The following EIF3E variants were observed in gnomAD, a reference collection of about 807,000 sequenced individuals.
EIF3E encodes eukaryotic translation initiation factor 3 subunit E.
In EIF3E, 25 loss-of-function variants were observed where a neutral mutation model predicts 59.3. The ratio of observed to expected loss-of-function variants is 0.42; its 90% confidence interval spans 0.31 to 0.59. EIF3E has a LOEUF of 0.59. Ranked by LOEUF, EIF3E falls within the 20% of genes least tolerant of loss-of-function variation. EIF3E has a pLI of 0.15. For synonymous variants in EIF3E, 176 were observed against 170.2 expected (o/e 1.03, Z -0.26); for missense variants, 317 against 534.3 (o/e 0.59, Z 4.01).
In EIF3E at chr8:108,216,963, T is replaced by G. The variant is rs1398970605; in HGVS notation, c.849+371A>C. ...GGCTGCCTGAAACCTTTTGCCCAAC[T>G]TGGGGTCTATTGAAACGGTATTGTA... is the stretch of plus-strand genomic sequence containing the variant. On this transcript the variant is annotated intron_variant, in intron 8 of 12. Transcript: ENST00000220849. Among the ~76,000 whole-genome samples the G allele has an allele frequency of 2.0e-5, 3 of 152,192 alleles. No homozygotes were observed. In the East Asian group the frequency reaches 5.8e-4, roughly 29 times the overall value.
intron 10 of EIF3E, among the ~76,000 whole-genome samples, chr8:108,211,559 T>C (rs1032926056): frequency 2.6e-5 from 4 of 152,218 alleles, no homozygotes; most frequent in Admixed American, 2.0e-4. Context: ...TTCACTCTGA[T>C]GGTAGTTTCT....
rs374782647 is a variant in EIF3E at position 108,223,846 on chromosome 8, C to T, written c.722+4421G>A. ...ATGGTAATATATGTGATGTAAGAGACTTTAACCTGCACTGGTATCTAAACT... is the reference window on the plus strand; with the variant it reads ...ATGGTAATATATGTGATGTAAGAGATTTTAACCTGCACTGGTATCTAAACT... On this transcript the variant is annotated intron_variant, in intron 7 of 12. Transcript: ENST00000220849. Among the ~76,000 whole-genome samples the T allele has an allele frequency of 3.3e-5, 5 of 151,430 alleles. No individual in the cohort carries two copies. The East Asian group carries it at 7.7e-4, about 23-fold the overall frequency.
intron 10 of EIF3E, among the ~76,000 whole-genome samples, chr8:108,206,322 T>C (rs1269150645): frequency 6.6e-6 from 1 of 150,452 alleles, no homozygotes; most frequent in Non-Finnish European, 1.5e-5. Flanking sequence ...GAGACCCCCA[T>C]GTCAAAAAAA....
At chr8:108,215,485 G>T (rs1340901426) in intron 9 of EIF3E, among the ~76,000 whole-genome samples, 1 of 152,096 alleles carries the variant, frequency 6.6e-6, no homozygotes, top group Admixed American at 6.6e-5. Context: ...GGGCGTGGTG[G>T]TGGGCGCCTA....
chr8:108,206,555 C>A (rs1020471618), intron 10 of EIF3E, among the ~76,000 whole-genome samples: 1 of 151,776 alleles, frequency 6.6e-6, no homozygotes, highest in East Asian at 1.9e-4. Context: ...AAGTCTGAGA[C>A]CAGTCTGAGC....
intron 10 of EIF3E, among the ~76,000 whole-genome samples, chr8:108,213,793 C>T (rs771901285): frequency 2.2e-4 from 34 of 152,140 alleles, no homozygotes; most frequent in Non-Finnish European, 4.6e-4. Flanking sequence ...ATTCAATTCC[C>T]ATAGGAAAAA....
At chr8:108,243,998 C>T (rs1201787935) in intron 1 of EIF3E, among the ~76,000 whole-genome samples, 1 of 152,188 alleles carries the variant, frequency 6.6e-6, no homozygotes, top group Non-Finnish European at 1.5e-5. Context: ...CTCAAATCTA[C>T]ATATGCCTCT....
chr8:108,229,187 T>G lies in EIF3E; in HGVS notation c.480A>C (p.Ala160=). 1.2e-6 allele frequency: 2 copies of G among 1,611,436 alleles called. No individual in the cohort carries two copies. The highest frequency in any genetic ancestry group is 2.2e-5 in the South Asian group (2 of 90,516). ...GTGAACTTAAAGCATTTCTATCTGTTGCTGGAACCTGTTTAAGAAATCATA... is the reference window on the plus strand; with the variant it reads ...GTGAACTTAAAGCATTTCTATCTGTGGCTGGAACCTGTTTAAGAAATCATA... The part of the protein sequence containing the change: ...YLYFFRVLVP[A]TDRNALSSLW... The change falls in exon 6 of 13, where the codon GCA becomes GCC. Residue 160 remains alanine (A), a synonymous_variant. Coordinates refer to ENST00000220849, the MANE Select transcript of EIF3E (RefSeq NM_001568.3).
chr8:108,230,375 A>G (rs1021368294), intron 5 of EIF3E, among the ~76,000 whole-genome samples: 1 of 152,198 alleles, frequency 6.6e-6, no homozygotes, highest in Admixed American at 6.5e-5. Context: ...CTGATACAGA[A>G]TAAGAACTTG....
chr8:108,217,529 C>G, intron 7 of EIF3E, 69 bp from the exon 8 acceptor site: 1 of 1,336,336 alleles, frequency 7.5e-7, no homozygotes, highest in Non-Finnish European at 1.0e-6. Flanking sequence ...TCGAGCAGGT[C>G]ATTAGATTGT....
In EIF3E at chr8:108,221,196, T is replaced by C. The variant is rs118143279; in HGVS notation, c.723-3736A>G. 1.1e-3 allele frequency among the ~76,000 whole-genome samples: 160 copies of C among 152,316 alleles called. 2 individuals are homozygous for C. The East Asian group carries it at 0.026, about 25-fold the overall frequency. On this transcript the variant is annotated intron_variant, in intron 7 of 12. Coordinates refer to ENST00000220849, the MANE Select transcript of EIF3E (RefSeq NM_001568.3). The stretch of plus-strand genomic sequence containing the variant: ...AAAATTTTAGAGCAGGGTCTCATTC[T>C]GTCACCCAGGCTGAAGTGCAGTGAA...
chr8:108,213,237 C>G (rs1815243319), intron 10 of EIF3E, among the ~76,000 whole-genome samples: 1 of 152,114 alleles, frequency 6.6e-6, no homozygotes. Flanking sequence ...AGGAAAAGAG[C>G]TACAACAAAT....
intron 10 of EIF3E, among the ~76,000 whole-genome samples, chr8:108,208,494 TTA>T (rs1815146124): frequency 6.6e-6 from 1 of 152,122 alleles, no homozygotes; most frequent in Non-Finnish European, 1.5e-5. Flanking sequence ...TGCTAAATCC[TTA>T]TGTGAAAACT....
chr8:108,215,077 G>T (rs1279589292), intron 9 of EIF3E, among the ~76,000 whole-genome samples: 1 of 152,082 alleles, frequency 6.6e-6, no homozygotes, highest in African/African-American at 2.4e-5. Context: ...ATATTAAGTA[G>T]ACTTAGAAAT....
intron 1 of EIF3E, among the ~76,000 whole-genome samples, chr8:108,245,939 C>T (rs568994091): frequency 1.3e-5 from 2 of 152,228 alleles, no homozygotes; most frequent in East Asian, 1.9e-4. Flanking sequence ...TGTTCCAAGA[C>T]CCCCCAGCGG....
intron 7 of EIF3E, among the ~76,000 whole-genome samples, chr8:108,219,570 T>C (rs1368765146): frequency 6.6e-6 from 1 of 152,212 alleles, no homozygotes; most frequent in Non-Finnish European, 1.5e-5. Flanking sequence ...ATTTTACATA[T>C]TTAGTCCTTG....
chr8:108,207,539 C>T (rs1162022934), intron 10 of EIF3E, among the ~76,000 whole-genome samples: 1 of 152,058 alleles, frequency 6.6e-6, no homozygotes, highest in African/African-American at 2.4e-5. Context: ...AGACAAAATC[C>T]ATCAAAATGC....
At chr8:108,248,034 G>T (rs1032512198) in intron 1 of EIF3E, among the ~76,000 whole-genome samples, 1 of 137,958 alleles carries the variant, frequency 7.2e-6, no homozygotes, top group Non-Finnish European at 1.6e-5. Context: ...CTGGGGGGGG[G>T]GGCGGGGGAG....
chr8:108,228,201 T>G (rs1184476172), intron 7 of EIF3E, 66 bp downstream of exon 7: 2 of 1,425,374 alleles, frequency 1.4e-6, no homozygotes, highest in African/African-American at 3.0e-5. Flanking sequence ...AAGTATATTT[T>G]AAGTTTAAAC....
Sources: gnomAD v4.1 joint callset for allele counts (sites outside exome capture counted in the v4.1 genomes callset) on GRCh38, gnomAD v4.1.1 for gene constraint, MANE v1.5 for transcripts, NCBI Gene and HGNC (gene_info 2026-07-23, HGNC 2026-07-21) for gene names.